The following GATAD2A variants were observed in gnomAD, a reference collection of about 807,000 sequenced individuals.
The protein encoded by GATAD2A is transcriptional repressor p66-alpha.
GATAD2A carries 12 observed loss-of-function variants against 68.5 expected under a neutral mutation model. The ratio of observed to expected loss-of-function variants is 0.18; its 90% confidence interval spans 0.11 to 0.28. The LOEUF is 0.28. GATAD2A is among the 10% of genes least tolerant of loss of function. The pLI is 1.00. For missense variants in GATAD2A, 755 were observed against 868.5 expected, an observed-to-expected ratio of 0.87 and a Z score of 1.64; for synonymous variants, 410 against 375.3, an observed-to-expected ratio of 1.09 and a Z score of -1.07.
chr19:19,445,189 TGCCTACCCTGATG>T (rs2055568553), intron 1 of GATAD2A, among the ~76,000 whole-genome samples: 1 of 152,142 alleles, frequency 6.6e-6, no homozygotes, highest in Non-Finnish European at 1.5e-5. Flanking sequence ...ACATAGAGGC[TGCCTACCCTGATG>T]GCTGATGGCT....
At chr19:19,455,118 G>A (rs2056806283) in intron 1 of GATAD2A, among the ~76,000 whole-genome samples, 1 of 152,164 alleles carries the variant, frequency 6.6e-6, no homozygotes, top group Non-Finnish European at 1.5e-5. Flanking sequence ...TACTTGGGAG[G>A]CTGAGGCAGG....
chr19:19,413,404 T>G (rs185853890), intron 1 of GATAD2A, among the ~76,000 whole-genome samples: 2 of 152,306 alleles, frequency 1.3e-5, no homozygotes, highest in Non-Finnish European at 2.9e-5. Context: ...TGCGTATCAT[T>G]GACGGAACAC....
At chr19:19,467,620 T>G (rs1185005565) in intron 2 of GATAD2A, among the ~76,000 whole-genome samples, 1 of 152,200 alleles carries the variant, frequency 6.6e-6, no homozygotes, top group African/African-American at 2.4e-5. Flanking sequence ...AGTATTTTGT[T>G]TATAGAGTTT....
chr19:19,437,017 G>A (rs1337873570), intron 1 of GATAD2A, among the ~76,000 whole-genome samples: 5 of 152,208 alleles, frequency 3.3e-5, no homozygotes, highest in Non-Finnish European at 7.3e-5. Context: ...GTTTTGTGAG[G>A]TTTCAGCTCT....
At chr19:19,414,837 C>CTTT (rs56353005) in intron 1 of GATAD2A, among the ~76,000 whole-genome samples, 9 of 74,748 alleles carry the variant, frequency 1.2e-4, no homozygotes, top group South Asian at 5.3e-4. Flanking sequence ...ACCCTGCCCC[C>CTTT]TTTTTTTTTT....
intron 2 of GATAD2A, among the ~76,000 whole-genome samples, chr19:19,478,925 T>G (rs1026846083): frequency 6.6e-6 from 1 of 152,214 alleles, no homozygotes; most frequent in Admixed American, 6.5e-5. Context: ...TGCAAATCTC[T>G]TTAATACTCA....
intron 5 of GATAD2A, 93 bp from the exon 6 acceptor site, chr19:19,495,661 A>T: frequency 6.3e-6 from 6 of 944,996 alleles, no homozygotes; most frequent in South Asian, 1.9e-5. Flanking sequence ...AAAAACTAGT[A>T]TGTACTTTCA....
intron 1 of GATAD2A, among the ~76,000 whole-genome samples, chr19:19,388,441 T>C (rs976295614): frequency 1.3e-5 from 2 of 152,128 alleles, no homozygotes; most frequent in Non-Finnish European, 2.9e-5. Context: ...CTTCAGTCTT[T>C]GTTGCCACTC....
chr19:19,446,682 T>C (rs1164091912), intron 1 of GATAD2A, among the ~76,000 whole-genome samples: 1 of 152,206 alleles, frequency 6.6e-6, no homozygotes, highest in African/African-American at 2.4e-5. Context: ...CTTTCATCCA[T>C]TTTGAGTTAA....
chr19:19,495,347 C>A (rs1217100693), intron 5 of GATAD2A, among the ~76,000 whole-genome samples: 1 of 147,808 alleles, frequency 6.8e-6, no homozygotes, highest in South Asian at 2.1e-4. Context: ...CTTGCTCTGT[C>A]GCCCAGGCTG....
chr19:19,388,244 A>G (rs1260908843), intron 1 of GATAD2A, among the ~76,000 whole-genome samples: 1 of 151,778 alleles, frequency 6.6e-6, no homozygotes, highest in Non-Finnish European at 1.5e-5. Flanking sequence ...TTTAGTAGAG[A>G]TGGGGTTTCT....
intron 1 of GATAD2A, among the ~76,000 whole-genome samples, chr19:19,434,062 TG>T (rs2147491479): frequency 6.6e-6 from 1 of 152,372 alleles, no homozygotes; most frequent in South Asian, 2.1e-4. Flanking sequence ...CATGAGCCAC[TG>T]TGCCCGGCCT....
intron 2 of GATAD2A, among the ~76,000 whole-genome samples, chr19:19,479,831 CTTTTTTTTTTTTT>C (rs35537344): frequency 7.0e-5 from 6 of 85,590 alleles, no homozygotes; most frequent in African/African-American, 1.9e-4. Context: ...GTGGCCCACT[CTTTTTTTTTTTTT>C]TTTTTTTTTT....
chr19:19,487,343 G>A (rs2059507402), intron 2 of GATAD2A, among the ~76,000 whole-genome samples: 1 of 152,170 alleles, frequency 6.6e-6, no homozygotes, highest in African/African-American at 2.4e-5. Context: ...GGTCGTGATG[G>A]CCCCCAGCTC....
intron 8 of GATAD2A, 52 bp downstream of exon 8, chr19:19,498,774 G>T: frequency 6.7e-7 from 1 of 1,487,060 alleles, no homozygotes; most frequent in Middle Eastern, 2.0e-4. Flanking sequence ...CTCCAAGGGT[G>T]CTGCCCCGTG....
At chr19:19,469,609 T>TA (rs113930520) in intron 2 of GATAD2A, among the ~76,000 whole-genome samples, 11,502 of 152,104 alleles carry the variant, frequency 0.076, 1,486 homozygotes, top group African/African-American at 0.26. Context: ...GTGAAGGATC[T>TA]AAATACCTCA....
intron 1 of GATAD2A, among the ~76,000 whole-genome samples, chr19:19,444,588 G>C (rs920879106): frequency 3.3e-5 from 5 of 152,174 alleles, no homozygotes; most frequent in Non-Finnish European, 7.4e-5. Context: ...GTGTGTTAGT[G>C]TAAAACCACC....
chr19:19,415,843 C>A (rs183217353), intron 1 of GATAD2A, among the ~76,000 whole-genome samples: 2 of 151,942 alleles, frequency 1.3e-5, no homozygotes, highest in African/African-American at 4.8e-5. Flanking sequence ...GTCTTGATCC[C>A]TTGACCTCGT....
chr19:19,451,039 A>C (rs563827824), intron 1 of GATAD2A, among the ~76,000 whole-genome samples: 1 of 151,458 alleles, frequency 6.6e-6, no homozygotes, highest in Non-Finnish European at 1.5e-5. Flanking sequence ...CAAAATGCTG[A>C]TATTATAGGC....
Sources: allele counts gnomAD v4.1 joint callset (sites outside exome capture counted in the v4.1 genomes callset), GRCh38; gene constraint gnomAD v4.1.1; transcripts MANE v1.5; gene names NCBI Gene and HGNC (gene_info 2026-07-23, HGNC 2026-07-21).